RGS7: variants seen among roughly 807,000 people sequenced by gnomAD.
The protein encoded by RGS7 is regulator of G protein signaling 7, also known as regulator of G-protein signaling 7.
A neutral mutation model predicts 81.1 loss-of-function variants in RGS7; 27 were observed. The ratio of observed to expected loss-of-function variants is 0.33; its 90% CI spans 0.25 to 0.46. The LOEUF (loss-of-function observed/expected upper bound fraction) is 0.46. RGS7 is among the 20% of genes least tolerant of loss of function. The pLI is 1.00. For missense variants in RGS7, 396 were observed against 607.4 expected, an observed-to-expected ratio of 0.65 and a Z score of 3.66; for synonymous variants, 208 against 207.7, an observed-to-expected ratio of 1.00 and a Z score of -0.01.
chr1:240,915,940 C>G (rs76883202), intron 6 of RGS7, among the ~76,000 whole-genome samples: 1,668 of 151,696 alleles, frequency 0.011, 16 homozygotes, highest in Middle Eastern at 0.014. Flanking sequence ...AACCTCCAAA[C>G]TGAAATACAA....
chr1:241,092,429 T>A (rs959520571), intron 3 of RGS7, among the ~76,000 whole-genome samples: 2 of 152,192 alleles, frequency 1.3e-5, no homozygotes, highest in African/African-American at 4.8e-5. Context: ...GATTTTCAGA[T>A]GAGAGAATGA....
In RGS7 at chr1:241,337,583, T is replaced by A. The variant is rs183910469; in HGVS notation, c.78+18116A>T. On this transcript the variant is annotated intron_variant, in intron 2 of 18. Transcript: ENST00000440928. Reference sequence around the variant, plus strand: ...ACAGTACTGAATGTGCGGCCCATTATACCACGCTCTTCCTCTTGGCTCCAT... The same window carrying A: ...ACAGTACTGAATGTGCGGCCCATTAAACCACGCTCTTCCTCTTGGCTCCAT... 2.0e-5 allele frequency among the ~76,000 whole-genome samples: 3 copies of A among 151,368 alleles called. No homozygotes were observed. In the East Asian group the frequency reaches 5.9e-4, roughly 30 times the overall value.
At chr1:241,098,596 C>A in intron 3 of RGS7, 70 bp downstream of exon 3, 2 of 1,008,350 alleles carry the variant, frequency 2.0e-6, no homozygotes, top group East Asian at 2.4e-5. Flanking sequence ...TAGTGAACAG[C>A]TGGAATCAGT....
intron 3 of RGS7, among the ~76,000 whole-genome samples, chr1:241,060,179 GA>G (rs552775193): frequency 2.0e-5 from 3 of 151,356 alleles, no homozygotes; most frequent in South Asian, 2.1e-4. Context: ...TTACTTATAG[GA>G]AAAAAAAGGC....
rs114431460 is a variant in RGS7, at chr1:240,910,693, C to T, written c.385+20024G>A. Among the ~76,000 whole-genome samples, 1,021 of 152,228 alleles carry T rather than the reference C, an allele frequency of 6.7e-3. 10 individuals carry two copies. Among genetic ancestry groups the T allele is most frequent in the African/African-American group, 0.022 (925 of 41,542 alleles). On this transcript the variant is annotated intron_variant, in intron 6 of 18. Coordinates refer to ENST00000440928, the MANE Select transcript of RGS7 (RefSeq NM_001364886.1). Reference sequence around the variant, plus strand: ...ATGTATTGCAACATCACTATGTACCCTATAAATACATACAACTATTATGTG... The same window carrying T: ...ATGTATTGCAACATCACTATGTACCTTATAAATACATACAACTATTATGTG...
chr1:240,823,170 C>T lies in RGS7; in HGVS notation c.684+3928G>A. 1.8e-6 allele frequency: 2 copies of T among 1,124,088 alleles called. 1 individual carries two copies. Among genetic ancestry groups the T allele is most frequent in the South Asian group, 2.5e-5 (2 of 81,308 alleles). The allele number at this position is 1,124,088 out of a possible 1,614,324, so 69.6% of individuals were successfully genotyped here. ...CATTGGGGATTTCCCCATAGAAGTC[C>T]TCTTTGAAGGTATGCAGGATAAGCG... is the stretch of plus-strand genomic sequence containing the variant. On this transcript the variant is annotated intron_variant, in intron 10 of 18. Transcript: ENST00000440928.
At chr1:241,072,322 G>T (rs1572553324) in intron 3 of RGS7, among the ~76,000 whole-genome samples, 6 of 152,198 alleles carry the variant, frequency 3.9e-5, no homozygotes. Flanking sequence ...AACCGTGTCT[G>T]GGCAGAATGC....
chr1:241,065,575 CCAT>C (rs2148848969), intron 3 of RGS7, among the ~76,000 whole-genome samples: 3 of 152,256 alleles, frequency 2.0e-5, no homozygotes, highest in South Asian at 4.1e-4. Context: ...ATTTAAACCA[CCAT>C]ATTTCTTTTC....
chr1:241,306,270 T>TAC (rs150529708), intron 2 of RGS7, among the ~76,000 whole-genome samples: 3 of 147,758 alleles, frequency 2.0e-5, no homozygotes, highest in African/African-American at 7.5e-5. Flanking sequence ...TCCACACACA[T>TAC]ACACACACAC....
chr1:241,147,780 T>A (rs113657664), intron 2 of RGS7, among the ~76,000 whole-genome samples: 14 of 44,640 alleles, frequency 3.1e-4, no homozygotes, highest in East Asian at 8.1e-4. Context: ...AGATTAAGTT[T>A]TATATATATA....
At chr1:240,916,921 C>G (rs1343210420) in intron 6 of RGS7, among the ~76,000 whole-genome samples, 1 of 152,174 alleles carries the variant, frequency 6.6e-6, no homozygotes, top group African/African-American at 2.4e-5. Flanking sequence ...ACACCAAGCA[C>G]AATAACTATC....
intron 2 of RGS7, among the ~76,000 whole-genome samples, chr1:241,285,890 AG>A (rs2148422645): frequency 6.6e-6 from 1 of 152,298 alleles, no homozygotes; most frequent in African/African-American, 2.4e-5. Context: ...CTAGTTTTAA[AG>A]GTGCAGGGTT....
At chr1:241,266,149 T>C (rs951284218) in intron 2 of RGS7, among the ~76,000 whole-genome samples, 1 of 152,196 alleles carries the variant, frequency 6.6e-6, no homozygotes, top group Non-Finnish European at 1.5e-5. Flanking sequence ...ATAGAGCTGA[T>C]CTGTCCAGGA....
chr1:240,965,630 G>T (rs555484078), intron 4 of RGS7, among the ~76,000 whole-genome samples: 1 of 152,210 alleles, frequency 6.6e-6, no homozygotes, highest in East Asian at 1.9e-4. Context: ...GTGTGGAGGG[G>T]CCGTCAGCTG....
At chr1:241,006,305 T>C (rs903802371) in intron 3 of RGS7, among the ~76,000 whole-genome samples, 2 of 152,242 alleles carry the variant, frequency 1.3e-5, no homozygotes, top group Non-Finnish European at 2.9e-5. Flanking sequence ...TCTCCTGTTT[T>C]CTGTTGGACT....
chr1:241,276,428 A>T (rs563366219), intron 2 of RGS7, among the ~76,000 whole-genome samples: 11 of 152,346 alleles, frequency 7.2e-5, no homozygotes, highest in African/African-American at 2.6e-4. Flanking sequence ...CTTCCTAGCC[A>T]AAAAGAAAAA....
intron 2 of RGS7, among the ~76,000 whole-genome samples, chr1:241,346,593 G>A (rs2082912400): frequency 6.6e-6 from 1 of 152,200 alleles, no homozygotes; most frequent in Non-Finnish European, 1.5e-5. Flanking sequence ...TCTAGGTCCT[G>A]AGACACTGCA....
At chr1:241,247,476 C>G (rs959050870) in intron 2 of RGS7, among the ~76,000 whole-genome samples, 1 of 152,122 alleles carries the variant, frequency 6.6e-6, no homozygotes, top group Admixed American at 6.5e-5. Flanking sequence ...TGAGGGGAGT[C>G]TGATCTCTCT....
chr1:241,293,721 C>T (rs1176846068), intron 2 of RGS7, among the ~76,000 whole-genome samples: 1 of 152,082 alleles, frequency 6.6e-6, no homozygotes, highest in East Asian at 1.9e-4. Flanking sequence ...TAGAGAAATG[C>T]ACATCAAAAC....
Sources: gnomAD v4.1 joint callset for allele counts (sites outside exome capture counted in the v4.1 genomes callset) on GRCh38, gnomAD v4.1.1 for gene constraint, MANE v1.5 for transcripts, NCBI Gene and HGNC (gene_info 2026-07-23, HGNC 2026-07-21) for gene names.